Variants in ASXL2 observed in about 807,000 individuals in gnomAD.
ASXL2 encodes ASXL transcriptional regulator 2, also known as putative Polycomb group protein ASXL2.
ASXL2 carries 23 observed loss-of-function variants against 122.0 expected under a neutral mutation model. The observed-to-expected ratio is 0.19, with a 90% CI of 0.14 to 0.27. The LOEUF (loss-of-function observed/expected upper bound fraction) is 0.27. Among genes scored for constraint, ASXL2 ranks in the 10% least tolerant of loss-of-function variants. The pLI, the probability that ASXL2 is intolerant of heterozygous loss-of-function variation, is 1.00. For missense variants in ASXL2, 1,518 were observed against 1,713.8 expected, an observed-to-expected ratio of 0.89 and a Z score of 2.02; for synonymous variants, 650 against 637.0, an observed-to-expected ratio of 1.02 and a Z score of -0.31.
At chr2:25,799,934 C>T (rs1290854657) in intron 4 of ASXL2, among the ~76,000 whole-genome samples, 1 of 146,574 alleles carries the variant, frequency 6.8e-6, no homozygotes, top group Non-Finnish European at 1.5e-5. Context: ...TGTTTGAGAC[C>T]AGGAGTTCAA....
At position 25,737,529 on chromosome 2, in the gene ASXL2, T is replaced by C. The variant is rs1273257767; in HGVS notation, c.*4500A>G. ...TACTTAAATTCCAAAAGAAATACAC[T>C]ACCCTGATTTATCACCAAGTTCCTC... On this transcript the variant is annotated 3_prime_UTR_variant, in exon 13 of 13. Transcript: ENST00000435504. 2.0e-5 allele frequency: 3 copies of C among 152,142 alleles called. No homozygotes were observed. Among genetic ancestry groups the C allele is most frequent in the Non-Finnish European group, 1.5e-5 (1 of 68,024 alleles). 9.4% of individuals were successfully genotyped at this position (152,142 alleles called of 1,614,324 possible). A position where few individuals can be genotyped will look rare whatever the true frequency, so the allele number is the denominator to read the frequency against.
chr2:25,741,713 G>GA lies in ASXL2; in HGVS notation c.*315dup. On this transcript the variant is annotated 3_prime_UTR_variant, in exon 13 of 13. Coordinates refer to ENST00000435504, the MANE Select transcript of ASXL2 (RefSeq NM_018263.6). ...GTCACAAGTAGTAGAACATTAATCT[G>GA]AATTCAAAGTAATACATTATTACCT... 1.6e-5 allele frequency: 5 copies of GA among 309,352 alleles called. No individual in the cohort carries two copies. The highest frequency in any genetic ancestry group is 3.0e-5 in the Non-Finnish European group (5 of 164,714). The allele number at this position is 309,352 out of a possible 1,614,324, so 19.2% of individuals were successfully genotyped here.
rs1351427625 is a variant in ASXL2, at chr2:25,736,347, T to A, written c.*5682A>T. 6.6e-6 allele frequency: 1 copy of A among 152,216 alleles called. No homozygotes were observed. Among genetic ancestry groups the A allele is most frequent in the Non-Finnish European group, 1.5e-5 (1 of 68,034 alleles). The allele number at this position is 152,216 out of a possible 1,614,324, so 9.4% of individuals were successfully genotyped here. A position where few individuals can be genotyped will look rare whatever the true frequency, so the allele number is the denominator to read the frequency against. ...ATCTTCCCACAAGATAGGAGACCCATCTAAATAATGATAAATATGTACCAG... is the reference window on the plus strand; with the variant it reads ...ATCTTCCCACAAGATAGGAGACCCAACTAAATAATGATAAATATGTACCAG... On this transcript the variant is annotated 3_prime_UTR_variant, in exon 13 of 13. Transcript: ENST00000435504.
intron 12 of ASXL2, among the ~76,000 whole-genome samples, chr2:25,745,340 G>A (rs899196660): frequency 6.6e-6 from 1 of 151,446 alleles, no homozygotes; most frequent in African/African-American, 2.4e-5. Context: ...TGCCACCCGA[G>A]TAGCTGGGAT....
chr2:25,810,783 A>C, intron 3 of ASXL2: 1 of 522,844 alleles, frequency 1.9e-6, no homozygotes, highest in Non-Finnish European at 3.6e-6. Flanking sequence ...GTTGAGATTT[A>C]AGTCACAAGA....
At chr2:25,753,285 G>T (rs2088077671) in intron 11 of ASXL2, among the ~76,000 whole-genome samples, 1 of 151,488 alleles carries the variant, frequency 6.6e-6, no homozygotes. Context: ...TTTTAAAGAA[G>T]CCATTTCACC....
chr2:25,871,149 A>C (rs2089959212), intron 1 of ASXL2, among the ~76,000 whole-genome samples: 1 of 152,214 alleles, frequency 6.6e-6, no homozygotes. Context: ...TAAAAATATC[A>C]ACTATGAGGA....
chr2:25,786,068 C>G (rs1420749454), intron 5 of ASXL2, among the ~76,000 whole-genome samples: 2 of 152,058 alleles, frequency 1.3e-5, no homozygotes, highest in Non-Finnish European at 2.9e-5. Context: ...GTTGGTTTAA[C>G]ATTTAATACG....
chr2:25,741,354 C>A lies in ASXL2; in HGVS notation c.*675G>T, dbSNP rs2087823541. The A allele has an allele frequency of 4.5e-6, 1 of 221,092 alleles. No homozygotes were observed. The highest frequency in any genetic ancestry group is 9.0e-6 in the Non-Finnish European group (1 of 110,514). The allele number at this position is 221,092 out of a possible 1,614,324, so 13.7% of individuals were successfully genotyped here. A position where few individuals can be genotyped will look rare whatever the true frequency, so the allele number is the denominator to read the frequency against. On this transcript the variant is annotated 3_prime_UTR_variant, in exon 13 of 13. Coordinates refer to ENST00000435504, the MANE Select transcript of ASXL2 (RefSeq NM_018263.6). ...CACAAATTCCAAGCAGATTGCTTGG[C>A]AACAGTACCAGTAACTAGTAACTAG...
chr2:25,832,971 C>T (rs2089471576), intron 3 of ASXL2, among the ~76,000 whole-genome samples: 1 of 152,106 alleles, frequency 6.6e-6, no homozygotes, highest in African/African-American at 2.4e-5. Context: ...TTCCATTAAA[C>T]ACTTGAAATG....
intron 3 of ASXL2, among the ~76,000 whole-genome samples, chr2:25,815,085 C>T (rs2089217400): frequency 6.6e-6 from 1 of 152,062 alleles, no homozygotes; most frequent in Non-Finnish European, 1.5e-5. Flanking sequence ...TCCAGTGTTC[C>T]CCATCTCAAG....
At chr2:25,842,693 T>TAC in intron 2 of ASXL2, among the ~76,000 whole-genome samples, 1 of 114,660 alleles carries the variant, frequency 8.7e-6, no homozygotes, top group African/African-American at 3.3e-5. Context: ...CAAGTGTGTG[T>TAC]ATATATATAT....
At chr2:25,826,185 C>T (rs1323639185) in intron 3 of ASXL2, among the ~76,000 whole-genome samples, 1 of 152,154 alleles carries the variant, frequency 6.6e-6, no homozygotes, top group East Asian at 1.9e-4. Flanking sequence ...ATCTGGGGGG[C>T]TCTTTGTTTT....
intron 5 of ASXL2, among the ~76,000 whole-genome samples, chr2:25,773,207 C>CAAA (rs1178925115): frequency 8.2e-6 from 1 of 121,886 alleles, no homozygotes; most frequent in Non-Finnish European, 1.8e-5. Flanking sequence ...GAGTCCATCT[C>CAAA]AAAAAAAAAA....
At chr2:25,755,177 A>C (rs1334629751) in intron 10 of ASXL2, among the ~76,000 whole-genome samples, 1 of 152,252 alleles carries the variant, frequency 6.6e-6, no homozygotes, top group Non-Finnish European at 1.5e-5. Context: ...TAATTCAGCC[A>C]GTGGTTTTAC....
At chr2:25,873,317 G>A (rs2089978988) in intron 1 of ASXL2, among the ~76,000 whole-genome samples, 1 of 151,978 alleles carries the variant, frequency 6.6e-6, no homozygotes, top group African/African-American at 2.4e-5. Flanking sequence ...AGGCTGAGGC[G>A]GAAGAATCAC....
intron 9 of ASXL2, among the ~76,000 whole-genome samples, chr2:25,759,075 C>G (rs1246641681): frequency 6.6e-6 from 1 of 152,180 alleles, no homozygotes; most frequent in African/African-American, 2.4e-5. Flanking sequence ...CTGGCTCAGC[C>G]TCCCGAGTAG....
chr2:25,810,301 C>A, intron 3 of ASXL2: 5 of 643,152 alleles, frequency 7.8e-6, no homozygotes, highest in Non-Finnish European at 1.5e-5. Context: ...TACTTCCTAT[C>A]TGCCTATTCT....
rs1031994102 is a variant in ASXL2, at chr2:25,739,628, C to T, written c.*2401G>A. On this transcript the variant is annotated 3_prime_UTR_variant, in exon 13 of 13. Transcript: ENST00000435504. ...ATCTAGTGAACAGCAATGTTTAGGA[C>T]CTATCTATAAGAGCCTGGGTCAAGA... The T allele has an allele frequency of 5.1e-6, 1 of 195,548 alleles. No homozygotes were observed. Among genetic ancestry groups the T allele is most frequent in the African/African-American group, 2.3e-5 (1 of 43,160 alleles). 12.1% of individuals were successfully genotyped at this position (195,548 alleles called of 1,614,324 possible). A position where few individuals can be genotyped will look rare whatever the true frequency, so the allele number is the denominator to read the frequency against.
Sources: allele counts gnomAD v4.1 joint callset (sites outside exome capture counted in the v4.1 genomes callset), GRCh38; gene constraint gnomAD v4.1.1; transcripts MANE v1.5; gene names NCBI Gene and HGNC (gene_info 2026-07-23, HGNC 2026-07-21).